The following ARHGEF18 variants were observed in gnomAD, a reference collection of about 807,000 sequenced individuals.
The protein encoded by ARHGEF18 is rho guanine nucleotide exchange factor 18.
ARHGEF18 carries 93 observed loss-of-function variants against 155.7 expected under a neutral mutation model. The ratio of observed to expected loss-of-function variants is 0.60; its 90% confidence interval spans 0.50 to 0.71. ARHGEF18 has a LOEUF of 0.71. Ranked by LOEUF, ARHGEF18 falls within the 30% of genes least tolerant of loss-of-function variation. The pLI is 0.00. For missense variants in ARHGEF18, 1,593 were observed against 1,816.1 expected (o/e 0.88, Z 2.23); for synonymous variants, 742 against 753.1 (o/e 0.99, Z 0.24).
At chr19:7,392,476 G>T (rs1438712935) in intron 10 of ARHGEF18, 1 of 151,316 alleles carries the variant, frequency 6.6e-6, no homozygotes, top group Non-Finnish European at 1.5e-5. Flanking sequence ...AGGGTGGGAG[G>T]ATCACTTGAG....
At position 7,462,514 on chromosome 19, in the gene ARHGEF18, G is replaced by A. The variant is rs993747270; in HGVS notation, c.2635+180G>A. On this transcript the variant is annotated intron_variant, in intron 21 of 28. Coordinates refer to ENST00000668164, the MANE Select transcript of ARHGEF18 (RefSeq NM_001367823.1). This position sits in a 1 kb window ranked among gnomAD's most constrained non-coding sequence, Gnocchi z 4.4. ...CCCCGGTGCCTGTGAGAGCCAGAAG[G>A]GCCTTAGACATAATCTGGGCCAAGC... Among the ~76,000 whole-genome samples, 11 of 152,204 alleles carry A rather than the reference G, an allele frequency of 7.2e-5. No individual in the cohort carries two copies. Among genetic ancestry groups the A allele is most frequent in the Non-Finnish European group, 1.6e-4 (11 of 68,038 alleles).
chr19:7,433,868 A>T (rs969964611), intron 10 of ARHGEF18, among the ~76,000 whole-genome samples: 1 of 151,714 alleles, frequency 6.6e-6, no homozygotes, highest in African/African-American at 2.4e-5. Context: ...AAAAATACAA[A>T]AATAGCCAGG....
chr19:7,403,290 C>T (rs1240620044), intron 10 of ARHGEF18, among the ~76,000 whole-genome samples: 1 of 152,158 alleles, frequency 6.6e-6, no homozygotes, highest in Non-Finnish European at 1.5e-5. Context: ...GCTGTCACTA[C>T]TATAATTTCA....
chr19:7,468,253 A>G (rs1188988420), intron 26 of ARHGEF18, among the ~76,000 whole-genome samples: 5 of 151,144 alleles, frequency 3.3e-5, no homozygotes, highest in Non-Finnish European at 5.9e-5. Flanking sequence ...CCCGTCTCAA[A>G]AAAAAAAAAA....
intron 2 of ARHGEF18, among the ~76,000 whole-genome samples, chr19:7,364,068 G>A (rs1186840837): frequency 1.3e-5 from 2 of 148,842 alleles, no homozygotes; most frequent in Non-Finnish European, 3.0e-5. Flanking sequence ...AAAGATGGAT[G>A]GGTAATGGAT....
rs953102544 is a variant in ARHGEF18, at chr19:7,466,926, G to A, written c.2913G>A (p.Ala971=). ...SSEESPQVVE[A]PGTESDPRLP... Reference sequence around the variant, plus strand: ...CGGTGTCCTCTTCCCAGGTGGAGGCGCCAGGCACGGAATCCGATCCCCGTC... The same window carrying A: ...CGGTGTCCTCTTCCCAGGTGGAGGCACCAGGCACGGAATCCGATCCCCGTC... The change falls in exon 24 of 29, where the codon GCG becomes GCA. Residue 971 remains alanine (A), a synonymous_variant. Transcript: ENST00000668164. The A allele has an allele frequency of 5.0e-6, 8 of 1,613,294 alleles. No individual in the cohort carries two copies. The highest frequency in any genetic ancestry group is 2.7e-5 in the African/African-American group (2 of 74,914).
At chr19:7,474,521 G>A (rs1195043586), downstream of ARHGEF18, among the ~76,000 whole-genome samples, 3 of 151,962 alleles carry the variant, frequency 2.0e-5, no homozygotes, top group East Asian at 2.0e-4. Flanking sequence ...TGGGATTACA[G>A]GCACCCACCA....
At chr19:7,456,752 A>C (rs561751861) in intron 18 of ARHGEF18, among the ~76,000 whole-genome samples, 1 of 152,212 alleles carries the variant, frequency 6.6e-6, no homozygotes, top group Non-Finnish European at 1.5e-5. Context: ...AAACAAAAAA[A>C]CAAAACAAAC....
chr19:7,359,936 T>G (rs983943573), intron 1 of ARHGEF18, among the ~76,000 whole-genome samples: 2 of 152,000 alleles, frequency 1.3e-5, no homozygotes, highest in African/African-American at 4.8e-5. Flanking sequence ...GGGAGGATCA[T>G]ATGAGACCAG....
chr19:7,399,268 A>T (rs1329170881), intron 10 of ARHGEF18, among the ~76,000 whole-genome samples: 3 of 152,070 alleles, frequency 2.0e-5, no homozygotes, highest in Non-Finnish European at 4.4e-5. Context: ...TGGGTGAGGG[A>T]GGGAAACTGG....
chr19:7,364,365 AAAGGAAGGAAGG>A (rs752918785), intron 2 of ARHGEF18, among the ~76,000 whole-genome samples: 1 of 112,834 alleles, frequency 8.9e-6, no homozygotes, highest in Non-Finnish European at 1.8e-5. Context: ...GGAGGGAAGG[AAAGGAAGGAAGG>A]AAGGAAGGAA....
At position 7,364,402 on chromosome 19, in the gene ARHGEF18, A is replaced by AAGGAAGGCAGGC. The variant is rs36151895; in HGVS notation, c.15+1500_15+1501insAAGGCAGGCAGG. On this transcript the variant is annotated intron_variant, in intron 2 of 28. Transcript: ENST00000668164. Reference sequence around the variant, plus strand: ...GAAGGAAGGAAGGAAGGAAGGAAGGAAGGCAGGCTGACTAAAACCAAATAC... The same window carrying AAGGAAGGCAGGC: ...GAAGGAAGGAAGGAAGGAAGGAAGGAAGGAAGGCAGGCAGGCAGGCTGACTAAAACCAAATAC... Among the ~76,000 whole-genome samples, 199 of 129,746 alleles carry AAGGAAGGCAGGC rather than the reference A, an allele frequency of 1.5e-3. 1 individual carries two copies. Among genetic ancestry groups the AAGGAAGGCAGGC allele is most frequent in the Middle Eastern group, 3.9e-3 (1 of 254 alleles). 85.1% of individuals were successfully genotyped at this position (129,746 alleles called of 152,430 possible). A position where few individuals can be genotyped will look rare whatever the true frequency, so the allele number is the denominator to read the frequency against.
In ARHGEF18 at chr19:7,398,690, C is replaced by CAA. The variant is rs1176940342; in HGVS notation, c.967+15503_967+15504dup. On this transcript the variant is annotated intron_variant, in intron 10 of 28. Transcript: ENST00000668164. ...TGGGCAACAGAGCTAGACTCTGTCTCAAAAAAAAAAAAAAAAATAAAGAAA... is the reference window on the plus strand; with the variant it reads ...TGGGCAACAGAGCTAGACTCTGTCTCAAAAAAAAAAAAAAAAAAATAAAGAAA... Among the ~76,000 whole-genome samples, 653 of 114,940 alleles carry CAA rather than the reference C, an allele frequency of 5.7e-3. 8 individuals are homozygous for CAA. Among genetic ancestry groups the CAA allele is most frequent in the African/African-American group, 0.016 (612 of 37,264 alleles). 75.4% of individuals were successfully genotyped at this position (114,940 alleles called of 152,430 possible).
chr19:7,381,547 G>A (rs887311976), intron 8 of ARHGEF18, among the ~76,000 whole-genome samples: 9 of 151,898 alleles, frequency 5.9e-5, no homozygotes, highest in Non-Finnish European at 1.3e-4. Flanking sequence ...ATGTGGTGGC[G>A]GGTGCCTGTA....
chr19:7,458,296 TTA>T (rs374709431), intron 18 of ARHGEF18, among the ~76,000 whole-genome samples: 2,908 of 110,022 alleles, frequency 0.026, 128 homozygotes, highest in African/African-American at 0.09. Flanking sequence ...CCAAGATAGT[TTA>T]AAAAAAAAAA....
At chr19:7,356,334 G>A (rs145348136) in intron 1 of ARHGEF18, among the ~76,000 whole-genome samples, 6,865 of 150,328 alleles carry the variant, frequency 0.046, 534 homozygotes, top group African/African-American at 0.16. Flanking sequence ...GCAGTGGCGC[G>A]ATCTCAGCTC....
In ARHGEF18 at chr19:7,440,238, A is replaced by T. The variant is rs763052592; in HGVS notation, c.968-106A>T. 1 of 1,552,240 alleles carries T rather than the reference A, an allele frequency of 6.4e-7. No individual in the cohort carries two copies. The highest frequency in any genetic ancestry group is 1.2e-5 in the South Asian group (1 of 84,238). On this transcript the variant is annotated intron_variant, in intron 10 of 28. Coordinates refer to ENST00000668164, the MANE Select transcript of ARHGEF18 (RefSeq NM_001367823.1). This position sits in a 1 kb window ranked among gnomAD's most constrained non-coding sequence, Gnocchi z 5.4. The stretch of plus-strand genomic sequence containing the variant: ...GGATAACGAGCTGCTGACCTCCAAG[A>T]TCCTGTCTGTGCTGCGGCCGCAGTC...
intron 7 of ARHGEF18, 87 bp downstream of exon 7, chr19:7,379,253 CAG>C (rs1262510840): frequency 5.2e-6 from 6 of 1,155,416 alleles, no homozygotes; most frequent in South Asian, 8.7e-5. Context: ...GTGTAGGAGA[CAG>C]GGGTAGAGAA....
chr19:7,377,379 ATTTCTTTATCTC>A lies in ARHGEF18; in HGVS notation c.541+636_541+647del, dbSNP rs541828818. ...AACCACCGCGCCCAGCATTCTGACTATTTCTTTATCTCTTTCTTTATCTCTGAATTTTTATCC... is the reference window on the plus strand; with the variant it reads ...AACCACCGCGCCCAGCATTCTGACTATTTCTTTATCTCTGAATTTTTATCC... On this transcript the variant is annotated intron_variant, in intron 5 of 28. Coordinates refer to ENST00000668164, the MANE Select transcript of ARHGEF18 (RefSeq NM_001367823.1). 5.1e-3 allele frequency among the ~76,000 whole-genome samples: 775 copies of A among 151,910 alleles called. 10 individuals carry two copies. Among genetic ancestry groups the A allele is most frequent in the African/African-American group, 0.018 (743 of 41,412 alleles).
Sources: gnomAD v4.1 joint callset for allele counts (sites outside exome capture counted in the v4.1 genomes callset) on GRCh38, gnomAD v4.1.1 for gene constraint, Gnocchi (gnomAD v3.1) non-coding constraint, MANE v1.5 for transcripts, NCBI Gene and HGNC (gene_info 2026-07-23, HGNC 2026-07-21) for gene names.